Variants in MAGI2 observed in about 807,000 individuals in gnomAD.
The protein encoded by MAGI2 is membrane-associated guanylate kinase, WW and PDZ domain-containing protein 2.
A neutral mutation model predicts 133.3 loss-of-function variants in MAGI2; 35 were observed. The ratio of observed to expected loss-of-function variants is 0.26; its 90% CI spans 0.20 to 0.35. The LOEUF is 0.35. MAGI2 is among the 10% of genes least tolerant of loss of function. MAGI2 has a pLI of 1.00. For synonymous variants in MAGI2, 729 were observed against 710.6 expected (o/e 1.03, Z -0.41); for missense variants, 1,636 against 1,863.4 (o/e 0.88, Z 2.25).
chr7:79,027,563 G>T (rs547734737), intron 1 of MAGI2, among the ~76,000 whole-genome samples: 1 of 151,816 alleles, frequency 6.6e-6, no homozygotes, highest in South Asian at 2.1e-4. Context: ...ATGGTCAAAG[G>T]GTACAAAATC....
intron 2 of MAGI2, among the ~76,000 whole-genome samples, chr7:78,959,053 C>A (rs145464045): frequency 1.9e-4 from 29 of 152,206 alleles, no homozygotes; most frequent in East Asian, 1.4e-3. Flanking sequence ...CCACGGGCAA[C>A]CTTGTAAGAT....
chr7:78,964,138 CT>C (rs199521542), intron 2 of MAGI2, among the ~76,000 whole-genome samples: 12 of 150,674 alleles, frequency 8.0e-5, no homozygotes, highest in South Asian at 2.1e-4. Flanking sequence ...CATCTACGCT[CT>C]TTTTTTTTCT....
intron 2 of MAGI2, among the ~76,000 whole-genome samples, chr7:78,702,641 C>T (rs1244037572): frequency 6.6e-6 from 1 of 151,804 alleles, no homozygotes; most frequent in African/African-American, 2.4e-5. Flanking sequence ...ATAAATATTC[C>T]ATTTCTTTCT....
chr7:78,850,211 GACTT>G (rs1272245899), intron 2 of MAGI2, among the ~76,000 whole-genome samples: 2 of 152,036 alleles, frequency 1.3e-5, no homozygotes, highest in Non-Finnish European at 2.9e-5. Context: ...ATAAAATAGA[GACTT>G]ACAGAGGTTA....
At chr7:79,103,388 C>T (rs2129543396) in intron 1 of MAGI2, among the ~76,000 whole-genome samples, 1 of 152,182 alleles carries the variant, frequency 6.6e-6, no homozygotes, top group South Asian at 2.1e-4. Context: ...CTGGGCTTTC[C>T]ACTGAGCTCT....
chr7:78,278,330 T>G (rs748232982), intron 9 of MAGI2, among the ~76,000 whole-genome samples: 3 of 152,120 alleles, frequency 2.0e-5, no homozygotes, highest in Non-Finnish European at 4.4e-5. Flanking sequence ...TGAAGTGAGG[T>G]TGTCTGCTCT....
Position 78,019,785 on chromosome 7 carries a change from G to C in MAGI2, c.3898C>G (p.Leu1300Val). 1 of 1,613,100 alleles carries C rather than the reference G, an allele frequency of 6.2e-7. No individual in the cohort carries two copies. The highest frequency in any genetic ancestry group is 8.5e-7 in the Non-Finnish European group (1 of 1,179,834). ...TGCTTCTTCTGGCCGCAGGCTGAAA[G>C]CTCCTTTGGTTTCCTAACGTCGTGT... Reference protein sequence around the residue: ...REHDVRKPKELSACGQKKQRL... With the variant: ...REHDVRKPKEVSACGQKKQRL... The change falls in exon 22 of 22, where the codon CTT becomes GTT. Residue 1300 changes from leucine to valine, a missense_variant. This residue lies in a region of MAGI2 where 354 missense variants were observed against 298.7 expected (regional missense o/e 1.19). Transcript: ENST00000354212.
chr7:78,974,557 T>C, intron 2 of MAGI2, among the ~76,000 whole-genome samples: 1 of 151,934 alleles, frequency 6.6e-6, no homozygotes, highest in East Asian at 1.9e-4. Flanking sequence ...GGTAACATTT[T>C]CTCCTTTAAT....
intron 1 of MAGI2, among the ~76,000 whole-genome samples, chr7:79,418,250 T>C (rs1374202281): frequency 1.3e-5 from 2 of 152,076 alleles, no homozygotes; most frequent in Admixed American, 6.6e-5. Context: ...GATAATAAGA[T>C]ATTAAGGGAA....
intron 1 of MAGI2, among the ~76,000 whole-genome samples, chr7:79,059,543 TA>T (rs1813516814): frequency 6.6e-6 from 1 of 152,090 alleles, no homozygotes; most frequent in South Asian, 2.1e-4. Flanking sequence ...ATTCCGTGCT[TA>T]AAAAATGCTA....
intron 5 of MAGI2, among the ~76,000 whole-genome samples, chr7:78,501,097 C>A (rs1794580615): frequency 6.6e-6 from 1 of 152,142 alleles, no homozygotes; most frequent in East Asian, 1.9e-4. Context: ...CAAAGACAAC[C>A]AACCAACCAA....
intron 2 of MAGI2, among the ~76,000 whole-genome samples, chr7:78,895,577 C>T (rs1797148092): frequency 6.6e-6 from 1 of 151,934 alleles, no homozygotes; most frequent in African/African-American, 2.4e-5. Context: ...TAAATTAACC[C>T]CAAGGCCCAC....
At chr7:78,079,186 C>G (rs907819368) in intron 20 of MAGI2, 101 bp from the exon 21 acceptor site, 2 of 1,186,630 alleles carry the variant, frequency 1.7e-6, no homozygotes, top group African/African-American at 3.1e-5. Context: ...CTGAGAGCAT[C>G]CGAACAATTT....
At chr7:79,422,147 G>A (rs1481396565) in intron 1 of MAGI2, among the ~76,000 whole-genome samples, 1 of 152,034 alleles carries the variant, frequency 6.6e-6, no homozygotes, top group Admixed American at 6.6e-5. Flanking sequence ...CATAGTATTA[G>A]TCGCCTATGG....
At chr7:78,972,864 T>C (rs1803904921) in intron 2 of MAGI2, among the ~76,000 whole-genome samples, 1 of 151,718 alleles carries the variant, frequency 6.6e-6, no homozygotes, top group Non-Finnish European at 1.5e-5. Flanking sequence ...TATGCTTATT[T>C]TGGGAGGTAT....
chr7:79,448,507 A>G (rs1849017023), intron 1 of MAGI2, among the ~76,000 whole-genome samples: 1 of 152,108 alleles, frequency 6.6e-6, no homozygotes, highest in African/African-American at 2.4e-5. Flanking sequence ...CACTTTAAAT[A>G]CATAACTTAT....
At chr7:78,585,566 A>T (rs561997474) in intron 3 of MAGI2, among the ~76,000 whole-genome samples, 1 of 152,184 alleles carries the variant, frequency 6.6e-6, no homozygotes, top group Non-Finnish European at 1.5e-5. Flanking sequence ...ACCAGTGGCA[A>T]TGTGCAGCTG....
At chr7:78,512,499 G>A (rs748597785) in intron 4 of MAGI2, among the ~76,000 whole-genome samples, 1 of 152,124 alleles carries the variant, frequency 6.6e-6, no homozygotes, top group Non-Finnish European at 1.5e-5. Context: ...TCCGCCTCCC[G>A]GGTTCAAGCG....
intron 1 of MAGI2, among the ~76,000 whole-genome samples, chr7:79,012,854 G>T (rs1047724689): frequency 6.6e-6 from 1 of 152,062 alleles, no homozygotes; most frequent in Non-Finnish European, 1.5e-5. Flanking sequence ...TCCGGTGCCT[G>T]GTAAGGGCAC....
Sources: gnomAD v4.1 joint callset for allele counts (sites outside exome capture counted in the v4.1 genomes callset) on GRCh38, gnomAD v4.1.1 for gene constraint, gnomAD v4.1.1 regional missense constraint, MANE v1.5 for transcripts, NCBI Gene and HGNC (gene_info 2026-07-23, HGNC 2026-07-21) for gene names.